Variants in RYR2 observed in about 807,000 individuals in gnomAD.
RYR2 encodes the protein ryanodine receptor 2.
A neutral mutation model predicts 601.1 loss-of-function variants in RYR2; 227 were observed. The observed-to-expected ratio is 0.38, with a 90% CI of 0.34 to 0.42. The LOEUF (loss-of-function observed/expected upper bound fraction) is 0.42, where lower values mean the gene tolerates loss of function less well. Ranked by LOEUF, RYR2 falls within the 10% of genes least tolerant of loss-of-function variation. The pLI is 1.00. For missense variants in RYR2, 4,646 were observed against 6,156.5 expected, an observed-to-expected ratio of 0.75 and a Z score of 8.21; for synonymous variants, 2,223 against 2,175.1, an observed-to-expected ratio of 1.02 and a Z score of -0.61.
intron 23 of RYR2, among the ~76,000 whole-genome samples, chr1:237,509,173 C>A (rs975263321): frequency 6.6e-6 from 1 of 152,166 alleles, no homozygotes; most frequent in African/African-American, 2.4e-5. Context: ...GGGGGAAACA[C>A]TGAGCCCTTG....
At chr1:237,477,735 G>A (rs2927938) in intron 17 of RYR2, among the ~76,000 whole-genome samples, 87,829 of 152,004 alleles carry the variant, frequency 0.58, 25,881 homozygotes, top group East Asian at 0.8. Flanking sequence ...GAGTTCAGAG[G>A]TGCTTCTCTG....
At chr1:237,568,725 C>A (rs1399499092) in intron 28 of RYR2, among the ~76,000 whole-genome samples, 1 of 152,088 alleles carries the variant, frequency 6.6e-6, no homozygotes, top group African/African-American at 2.4e-5. Flanking sequence ...GACAGATGCC[C>A]AGCTTGATTC....
intron 1 of RYR2, among the ~76,000 whole-genome samples, chr1:237,189,873 A>AT (rs1553336323): frequency 1.9e-5 from 2 of 104,142 alleles, no homozygotes; most frequent in Admixed American, 8.9e-5. Flanking sequence ...TTTTATTTTT[A>AT]TTTTTATTTT....
chr1:237,782,769 T>TATC (rs1454395054), intron 89 of RYR2, among the ~76,000 whole-genome samples: 7 of 152,198 alleles, frequency 4.6e-5, no homozygotes, highest in Non-Finnish European at 7.3e-5. Context: ...GTAACAAGTT[T>TATC]ATCAGTTCAA....
chr1:237,269,043 T>C (rs1364973907), intron 1 of RYR2, among the ~76,000 whole-genome samples: 1 of 15,278 alleles, frequency 6.5e-5, no homozygotes, highest in Non-Finnish European at 3.2e-4. Flanking sequence ...TAGCATATTC[T>C]TTTTTTTTTT....
intron 1 of RYR2, among the ~76,000 whole-genome samples, chr1:237,218,595 T>C (rs1683440762): frequency 6.6e-6 from 1 of 152,176 alleles, no homozygotes; most frequent in Non-Finnish European, 1.5e-5. Flanking sequence ...TCAACTTTAG[T>C]GAAATCTAGC....
intron 3 of RYR2, among the ~76,000 whole-genome samples, chr1:237,332,935 G>T (rs1173604492): frequency 2.0e-5 from 3 of 152,074 alleles, no homozygotes; most frequent in African/African-American, 7.2e-5. Flanking sequence ...TCCTGCCTCA[G>T]TCTCTGGAAT....
At chr1:237,306,025 G>A (rs985238986) in intron 2 of RYR2, among the ~76,000 whole-genome samples, 2 of 152,152 alleles carry the variant, frequency 1.3e-5, no homozygotes, top group Non-Finnish European at 2.9e-5. Flanking sequence ...AGAAATGTTG[G>A]CAATACATGA....
chr1:237,269,283 G>A (rs1295335385), intron 1 of RYR2, among the ~76,000 whole-genome samples: 1 of 151,560 alleles, frequency 6.6e-6, no homozygotes, highest in East Asian at 1.9e-4. Context: ...CCTCAGGTGA[G>A]CCGCCTGCCT....
chr1:237,594,886 G>GTTTTTTTTTTTGTTTTTTGTTTTTTT (rs1675647018), intron 33 of RYR2, among the ~76,000 whole-genome samples: 1 of 60,402 alleles, frequency 1.7e-5, no homozygotes, highest in South Asian at 7.1e-4. Context: ...ATATCACTGG[G>GTTTTTTTTTTTGTTTTTTGTTTTTTT]TTTTTTTTTT....
At chr1:237,092,203 A>G (rs2148467385) in intron 1 of RYR2, among the ~76,000 whole-genome samples, 1 of 152,300 alleles carries the variant, frequency 6.6e-6, no homozygotes, top group East Asian at 1.9e-4. Flanking sequence ...CCTTGGGTTA[A>G]CAATGGGTTG....
chr1:237,523,513 T>C (rs1007708974), intron 24 of RYR2, among the ~76,000 whole-genome samples: 1 of 152,120 alleles, frequency 6.6e-6, no homozygotes, highest in Non-Finnish European at 1.5e-5. Context: ...GTTGGGTGGC[T>C]CACTTGAGGT....
intron 1 of RYR2, among the ~76,000 whole-genome samples, chr1:237,247,295 C>T (rs115033035): frequency 0.023 from 3,446 of 152,252 alleles, 142 homozygotes; most frequent in African/African-American, 0.077. Context: ...ACTGCCTTTT[C>T]GCTACAGCTA....
intron 48 of RYR2, among the ~76,000 whole-genome samples, chr1:237,646,146 G>C (rs138989087): frequency 0.051 from 7,737 of 152,052 alleles, 652 homozygotes; most frequent in African/African-American, 0.17. Context: ...CAAAGTGCTG[G>C]GATTACAGGT....
intron 4 of RYR2, among the ~76,000 whole-genome samples, chr1:237,361,186 A>G (rs1408667661): frequency 4.6e-5 from 7 of 152,218 alleles, no homozygotes; most frequent in Admixed American, 4.6e-4. Context: ...TTTCAACCTC[A>G]TATGCTATTA....
intron 27 of RYR2, among the ~76,000 whole-genome samples, chr1:237,561,059 A>G (rs1671400078): frequency 6.6e-6 from 1 of 152,188 alleles, no homozygotes. Flanking sequence ...GGAAAGTTAT[A>G]TAGGGAAGGG....
chr1:237,472,538 G>A (rs894455914), intron 17 of RYR2, among the ~76,000 whole-genome samples: 2 of 152,080 alleles, frequency 1.3e-5, no homozygotes, highest in Non-Finnish European at 2.9e-5. Context: ...AATCATAGGT[G>A]AATAGTTAAA....
chr1:237,687,600 ATGTT>A, intron 63 of RYR2, 96 bp downstream of exon 63: 3 of 912,194 alleles, frequency 3.3e-6, no homozygotes, highest in Non-Finnish European at 5.3e-6. Context: ...GCATGGATGC[ATGTT>A]TGCATGGCTG....
chr1:237,404,718 A>G (rs752961310), intron 10 of RYR2, among the ~76,000 whole-genome samples: 6 of 152,176 alleles, frequency 3.9e-5, no homozygotes, highest in Non-Finnish European at 7.3e-5. Context: ...ATGGCCCCTA[A>G]TCAGTTGACT....
Sources: allele counts gnomAD v4.1 joint callset (sites outside exome capture counted in the v4.1 genomes callset), GRCh38; gene constraint gnomAD v4.1.1; transcripts MANE v1.5; gene names NCBI Gene and HGNC (gene_info 2026-07-23, HGNC 2026-07-21).